Variants in RTN4IP1 observed in about 807,000 individuals in gnomAD.
RTN4IP1 encodes the protein NAD(P)H oxidoreductase RTN4IP1, mitochondrial.
RTN4IP1 carries 32 observed loss-of-function variants against 46.6 expected under a neutral mutation model. The ratio of observed to expected loss-of-function variants is 0.69; its 90% confidence interval spans 0.52 to 0.92. RTN4IP1 has a LOEUF of 0.92. RTN4IP1 is among the 40% of genes least tolerant of loss of function. The probability of loss-of-function intolerance (pLI) is 0.00; values close to 1 mark genes in which losing one functional copy is unlikely to be tolerated. For missense variants in RTN4IP1, 424 were observed against 485.8 expected, an observed-to-expected ratio of 0.87 and a Z score of 1.20; for synonymous variants, 167 against 161.8, an observed-to-expected ratio of 1.03 and a Z score of -0.24.
At chr6:106,591,673 A>G (rs1363020685) in intron 6 of RTN4IP1, among the ~76,000 whole-genome samples, 5 of 152,064 alleles carry the variant, frequency 3.3e-5, no homozygotes, top group Admixed American at 3.3e-4. Context: ...CCTGCTTGGT[A>G]CCTCAGGCCA....
intron 5 of RTN4IP1, among the ~76,000 whole-genome samples, chr6:106,595,230 G>A (rs373594891): frequency 3.3e-5 from 5 of 152,072 alleles, no homozygotes; most frequent in Admixed American, 6.5e-5. Flanking sequence ...GCACACCCAC[G>A]GGACAGTTCC....
intron 8 of RTN4IP1, among the ~76,000 whole-genome samples, chr6:106,578,865 A>C (rs1165436043): frequency 4.0e-5 from 6 of 151,756 alleles, no homozygotes; most frequent in Non-Finnish European, 8.8e-5. Context: ...TAAATAGTGA[A>C]TGTCTTAGGC....
chr6:106,601,269 T>A (rs1775941502), intron 5 of RTN4IP1, among the ~76,000 whole-genome samples: 1 of 152,174 alleles, frequency 6.6e-6, no homozygotes, highest in African/African-American at 2.4e-5. Flanking sequence ...CTGTGCTGTC[T>A]TTTTGTTGTT....
In RTN4IP1 at chr6:106,602,061, T is replaced by C. The variant is rs113355457; in HGVS notation, c.669+813A>G. Among the ~76,000 whole-genome samples the C allele has an allele frequency of 1.4e-3, 215 of 152,356 alleles. 2 individuals are homozygous for C. Among genetic ancestry groups the C allele is most frequent in the African/African-American group, 4.8e-3 (200 of 41,590 alleles). On this transcript the variant is annotated intron_variant, in intron 5 of 8. Transcript: ENST00000369063. Reference sequence around the variant, plus strand: ...GTCTTGCCATTCTTGTCAGGATCAATTGACCACAGAGGTATGGGTTTATTT... The same window carrying C: ...GTCTTGCCATTCTTGTCAGGATCAACTGACCACAGAGGTATGGGTTTATTT...
chr6:106,615,751 A>G (rs1028026347), intron 4 of RTN4IP1, among the ~76,000 whole-genome samples: 1 of 152,160 alleles, frequency 6.6e-6, no homozygotes. Context: ...AATAAATAAA[A>G]CCATCAAATC....
At chr6:106,622,590 G>C (rs2114681457) in intron 2 of RTN4IP1, among the ~76,000 whole-genome samples, 1 of 152,352 alleles carries the variant, frequency 6.6e-6, no homozygotes, top group Admixed American at 6.5e-5. Flanking sequence ...GGTCGGCAAT[G>C]TTAATTACCC....
intron 5 of RTN4IP1, 110 bp downstream of exon 5, chr6:106,602,764 A>C (rs1775977001): frequency 4.5e-6 from 3 of 671,682 alleles, no homozygotes; most frequent in Non-Finnish European, 7.4e-6. Flanking sequence ...ATTACAGTAC[A>C]TTTACCAGAC....
At chr6:106,613,710 G>A (rs1300398900) in intron 4 of RTN4IP1, among the ~76,000 whole-genome samples, 2 of 152,104 alleles carry the variant, frequency 1.3e-5, no homozygotes, top group East Asian at 1.9e-4. Context: ...TGAGAGAGGA[G>A]GTTGCAGGCC....
chr6:106,570,877 T>C lies in RTN4IP1; in HGVS notation c.*1119A>G, dbSNP rs1381270715. ...AACAGGAATAAACCAAGCAGAAATC[T>C]CAAAACAGGTCTACATCAAAAGTTA... is the stretch of plus-strand genomic sequence containing the variant. On this transcript the variant is annotated 3_prime_UTR_variant, in exon 9 of 9. Transcript: ENST00000369063. The C allele has an allele frequency of 1.3e-5, 2 of 152,096 alleles. No homozygotes were observed. The highest frequency in any genetic ancestry group is 4.8e-5 in the African/African-American group (2 of 41,390). The allele number at this position is 152,096 out of a possible 1,614,324, so 9.4% of individuals were successfully genotyped here. A position where few individuals can be genotyped will look rare whatever the true frequency, so the allele number is the denominator to read the frequency against.
intron 4 of RTN4IP1, among the ~76,000 whole-genome samples, chr6:106,610,800 T>C (rs1582380233): frequency 1.3e-5 from 2 of 152,204 alleles, no homozygotes; most frequent in African/African-American, 4.8e-5. Flanking sequence ...TTTTTAAATA[T>C]GGAGAAAATA....
At chr6:106,613,043 T>C (rs1259568413) in intron 4 of RTN4IP1, among the ~76,000 whole-genome samples, 1 of 152,212 alleles carries the variant, frequency 6.6e-6, no homozygotes, top group South Asian at 2.1e-4. Context: ...AAACTTTATA[T>C]GTAACAGACA....
intron 4 of RTN4IP1, among the ~76,000 whole-genome samples, chr6:106,615,101 G>T (rs556013707): frequency 3.4e-4 from 51 of 151,938 alleles, no homozygotes; most frequent in African/African-American, 1.1e-3. Flanking sequence ...AAACAGCTGG[G>T]GTTTCTTTCT....
chr6:106,597,026 T>G (rs1294019835), intron 5 of RTN4IP1, among the ~76,000 whole-genome samples: 1 of 152,224 alleles, frequency 6.6e-6, no homozygotes, highest in East Asian at 1.9e-4. Flanking sequence ...ACATGTGCTA[T>G]TTTGTCTAGA....
At chr6:106,591,092 G>T (rs1775649851) in intron 6 of RTN4IP1, among the ~76,000 whole-genome samples, 1 of 152,210 alleles carries the variant, frequency 6.6e-6, no homozygotes, top group Non-Finnish European at 1.5e-5. Context: ...GCTCACTAAA[G>T]CCTCCACTCA....
At chr6:106,577,461 A>AAAAAT (rs1775257776) in intron 8 of RTN4IP1, among the ~76,000 whole-genome samples, 1 of 150,606 alleles carries the variant, frequency 6.6e-6, no homozygotes, top group Non-Finnish European at 1.5e-5. Context: ...AAAAAAAAAA[A>AAAAAT]AAAAAAAAAA....
chr6:106,619,900 C>T (rs903651990), intron 3 of RTN4IP1, among the ~76,000 whole-genome samples: 16 of 151,284 alleles, frequency 1.1e-4, no homozygotes, highest in Admixed American at 7.9e-4. Context: ...CGTAAGCCAC[C>T]GCGCCTGGCC....
intron 4 of RTN4IP1, among the ~76,000 whole-genome samples, chr6:106,612,459 G>A (rs1016659829): frequency 6.6e-6 from 1 of 150,512 alleles, no homozygotes; most frequent in Non-Finnish European, 1.5e-5. Flanking sequence ...GAAGTAGTGA[G>A]GTCAGAGGAT....
chr6:106,592,515 G>A (rs1449615004), intron 5 of RTN4IP1, among the ~76,000 whole-genome samples: 1 of 152,148 alleles, frequency 6.6e-6, no homozygotes, highest in African/African-American at 2.4e-5. Flanking sequence ...TCCCAAGAAA[G>A]AGATCTCATT....
chr6:106,628,203 C>G (rs569757756), intron 1 of RTN4IP1, among the ~76,000 whole-genome samples: 57 of 152,184 alleles, frequency 3.7e-4, no homozygotes, highest in African/African-American at 1.2e-3. Flanking sequence ...GGCGCAATGG[C>G]TCGTCTGTAA....
Sources: gnomAD v4.1 joint callset for allele counts (sites outside exome capture counted in the v4.1 genomes callset) on GRCh38, gnomAD v4.1.1 for gene constraint, MANE v1.5 for transcripts, NCBI Gene and HGNC (gene_info 2026-07-23, HGNC 2026-07-21) for gene names.